The following POLA1 variants were observed in gnomAD, a reference collection of about 807,000 sequenced individuals.
POLA1 encodes the protein DNA polymerase alpha 1, catalytic subunit, also known as DNA polymerase alpha catalytic subunit.
In POLA1, 15 loss-of-function variants were observed where a neutral mutation model predicts 124.0. That is an observed-to-expected ratio of 0.12 (90% CI 0.08 to 0.19). POLA1 has a LOEUF of 0.19. Among genes scored for constraint, POLA1 ranks in the 10% least tolerant of loss-of-function variants. POLA1 has a pLI of 1.00. For synonymous variants in POLA1, 408 were observed against 389.4 expected (o/e 1.05, Z -0.56); for missense variants, 886 against 1,103.4 (o/e 0.80, Z 2.79).
chrX:24,851,479 T>C (rs766558639), intron 34 of POLA1, among the ~76,000 whole-genome samples: 2 of 113,143 alleles, frequency 1.8e-5, no homozygotes, highest in Admixed American at 9.3e-5. Flanking sequence ...GAGCCTTCGC[T>C]ATTCGCATTA....
chrX:24,917,289 G>GA (rs754805687), intron 35 of POLA1, among the ~76,000 whole-genome samples: 1,252 of 77,415 alleles, frequency 0.016, 10 homozygotes, highest in Middle Eastern at 0.035. Context: ...CCATCTGAAA[G>GA]AAAAAAAAAA....
intron 4 of POLA1, 44 bp from the exon 5 acceptor site, chrX:24,714,510 G>T (rs1929688558): frequency 1.2e-6 from 1 of 811,864 alleles, no homozygotes; most frequent in African/African-American, 2.0e-5. Flanking sequence ...TTTCCATTTT[G>T]ATTTTTGCTG....
At chrX:24,721,778 TG>T (rs1156599370) in intron 10 of POLA1, among the ~76,000 whole-genome samples, 2 of 112,340 alleles carry the variant, frequency 1.8e-5, no homozygotes, top group Non-Finnish European at 3.8e-5. Flanking sequence ...GTGTCAAATG[TG>T]TTGCATGAAG....
At chrX:24,823,175 T>C (rs1224699521) in intron 31 of POLA1, among the ~76,000 whole-genome samples, 1 of 111,779 alleles carries the variant, frequency 8.9e-6, no homozygotes, top group Non-Finnish European at 1.9e-5. Flanking sequence ...TATTTGCTTT[T>C]TAAAAGTATG....
At chrX:24,810,616 T>C in intron 27 of POLA1, 92 bp from the exon 28 acceptor site, 1 of 418,824 alleles carries the variant, frequency 2.4e-6, no homozygotes, top group Non-Finnish European at 4.2e-6. Context: ...CTGTGGAGCC[T>C]GTAATTTCTG....
chrX:24,712,191 T>C (rs1157318195), intron 4 of POLA1, among the ~76,000 whole-genome samples: 1 of 111,277 alleles, frequency 9.0e-6, no homozygotes, highest in Non-Finnish European at 1.9e-5. Flanking sequence ...TTTCAAGCGA[T>C]TCTCCTGCCT....
intron 26 of POLA1, among the ~76,000 whole-genome samples, chrX:24,805,660 A>AT (rs1021254564): frequency 2.5e-4 from 28 of 111,874 alleles, no homozygotes; most frequent in African/African-American, 9.1e-4. Context: ...CACAAAGTTT[A>AT]TTTTTTTATA....
intron 26 of POLA1, among the ~76,000 whole-genome samples, chrX:24,790,917 A>ATG (rs2045480507): frequency 1.0e-5 from 1 of 99,300 alleles, no homozygotes; most frequent in South Asian, 4.5e-4. Flanking sequence ...ATATGTATAT[A>ATG]TATATATATA....
chrX:24,701,552 C>T (rs1270266299), intron 2 of POLA1, among the ~76,000 whole-genome samples: 2 of 107,852 alleles, frequency 1.9e-5, no homozygotes, highest in East Asian at 5.8e-4. Context: ...TGTCCTGCTT[C>T]AGCCTCCCAA....
At chrX:24,835,510 C>T (rs776410137) in intron 32 of POLA1, among the ~76,000 whole-genome samples, 1 of 110,858 alleles carries the variant, frequency 9.0e-6, no homozygotes, top group African/African-American at 3.3e-5. Flanking sequence ...TTAAAAAGCT[C>T]CTTGTTTGGA....
chrX:24,812,924 A>G, intron 29 of POLA1, 61 bp downstream of exon 29: 2 of 621,477 alleles, frequency 3.2e-6, no homozygotes, highest in Non-Finnish European at 2.6e-6. Flanking sequence ...GGTGTGAATG[A>G]TGTAGAGAAT....
chrX:24,762,327 G>C (rs1019292596), intron 26 of POLA1, among the ~76,000 whole-genome samples: 7 of 111,952 alleles, frequency 6.3e-5, no homozygotes, highest in Non-Finnish European at 1.3e-4. Flanking sequence ...CAGTCCATTA[G>C]GTGAGAGCTG....
At chrX:24,855,056 TTAGTATA>T (rs1200181292) in intron 34 of POLA1, among the ~76,000 whole-genome samples, 1 of 111,170 alleles carries the variant, frequency 9.0e-6, no homozygotes, top group Non-Finnish European at 1.9e-5. Context: ...AGGAAACAGA[TTAGTATA>T]TAAGGAATGA....
chrX:24,891,529 C>G (rs534464374), intron 35 of POLA1, among the ~76,000 whole-genome samples: 5 of 111,701 alleles, frequency 4.5e-5, no homozygotes, highest in African/African-American at 1.6e-4. Context: ...AAAGATAGTT[C>G]TAGAGAAGTT....
At position 24,996,783 on chromosome X, in the gene POLA1, A is replaced by C. The variant is rs2048612446; in HGVS notation, c.*833A>C. On this transcript the variant is annotated 3_prime_UTR_variant, in exon 37 of 37. Coordinates refer to ENST00000379068, the MANE Select transcript of POLA1 (RefSeq NM_001330360.2). ...CTTGCTATTTTTTTCTCATTTCTTCACAATAGGACCGTCTTTGGCAGCAGC... is the reference window on the plus strand; with the variant it reads ...CTTGCTATTTTTTTCTCATTTCTTCCCAATAGGACCGTCTTTGGCAGCAGC... The C allele has an allele frequency of 9.0e-6, 1 of 111,694 alleles. No individual in the cohort carries two copies. Among genetic ancestry groups the C allele is most frequent in the Non-Finnish European group, 1.9e-5 (1 of 53,171 alleles). The allele number at this position is 111,694 out of a possible 1,213,427, so 9.2% of individuals were successfully genotyped here.
At chrX:24,709,071 A>C (rs868531558) in intron 4 of POLA1, among the ~76,000 whole-genome samples, 39 of 28,140 alleles carry the variant, frequency 1.4e-3, no homozygotes, top group African/African-American at 2.0e-3. Context: ...GGGGGCTGAC[A>C]CCCCCACCTC....
chrX:24,927,917 T>A (rs899060825), intron 35 of POLA1, among the ~76,000 whole-genome samples: 1 of 111,961 alleles, frequency 8.9e-6, no homozygotes, highest in Non-Finnish European at 1.9e-5. Flanking sequence ...TGGTAAAGAT[T>A]TTTTAAAAAA....
chrX:24,744,093 T>C (rs1931848340), intron 23 of POLA1, among the ~76,000 whole-genome samples: 1 of 111,998 alleles, frequency 8.9e-6, no homozygotes, highest in Non-Finnish European at 1.9e-5. Context: ...ATTTCAACCC[T>C]TCCCAAGTGT....
chrX:24,839,478 GAGTA>G (rs745652019), intron 32 of POLA1, among the ~76,000 whole-genome samples: 2 of 111,860 alleles, frequency 1.8e-5, no homozygotes, highest in African/African-American at 3.3e-5. Flanking sequence ...GTTTCTCCAT[GAGTA>G]AGTAACAAGA....
Sources: gnomAD v4.1 joint callset for allele counts (sites outside exome capture counted in the v4.1 genomes callset) on GRCh38, gnomAD v4.1.1 for gene constraint, MANE v1.5 for transcripts, NCBI Gene and HGNC (gene_info 2026-07-23, HGNC 2026-07-21) for gene names.